The following FAM91A1 variants were observed in gnomAD, a reference collection of about 807,000 sequenced individuals.
FAM91A1 encodes the protein protein FAM91A1.
FAM91A1 carries 41 observed loss-of-function variants against 113.5 expected under a neutral mutation model. The observed-to-expected ratio is 0.36, with a 90% CI of 0.28 to 0.47. FAM91A1 has a LOEUF of 0.47. FAM91A1 is among the 20% of genes least tolerant of loss of function. The probability of loss-of-function intolerance (pLI) is 1.00; values close to 1 mark genes in which losing one functional copy is unlikely to be tolerated. For missense variants in FAM91A1, 696 were observed against 1,001.2 expected, an observed-to-expected ratio of 0.70 and a Z score of 4.11; for synonymous variants, 307 against 347.9, an observed-to-expected ratio of 0.88 and a Z score of 1.31.
intron 23 of FAM91A1, 22 bp from the exon 24 acceptor site, chr8:123,812,497 C>A: frequency 6.4e-7 from 1 of 1,550,766 alleles, no homozygotes; most frequent in Non-Finnish European, 8.7e-7. Flanking sequence ...AATATCATTT[C>A]TCTTGTTTCT....
At position 123,810,343 on chromosome 8, in the gene FAM91A1, T is replaced by A; in HGVS notation, c.2323T>A (p.Ser775Thr). 1 of 1,613,724 alleles carries A rather than the reference T, an allele frequency of 6.2e-7. No individual in the cohort carries two copies. Among genetic ancestry groups the A allele is most frequent in the South Asian group, 1.1e-5 (1 of 91,022 alleles). ...LSLQVLNFVH[S>T]FQEGASILDI... ...TCTGCAAGTCCTTAACTTTGTTCAC[T>A]CATTCCAGGTAACAAAAACCAAAAA... The change falls in exon 23 of 24, where the codon TCA becomes ACA. Residue 775 changes from serine (S) to threonine (T), a missense_variant. Ser to Thr is a moderately conservative substitution (Grantham distance 58, BLOSUM62 1). Transcript: ENST00000334705.
intron 13 of FAM91A1, 108 bp from the exon 14 acceptor site, chr8:123,787,556 C>A (rs1440508410): frequency 1.2e-5 from 13 of 1,075,554 alleles, no homozygotes; most frequent in African/African-American, 1.6e-5. Context: ...CCCTCACCCC[C>A]CAATCCTTAA....
chr8:123,812,756 G>T lies in FAM91A1; in HGVS notation c.*52G>T, dbSNP rs539804433. 4 of 1,428,154 alleles carry T rather than the reference G, an allele frequency of 2.8e-6. No individual in the cohort carries two copies. The highest frequency in any genetic ancestry group is 3.7e-6 in the Non-Finnish European group (4 of 1,077,872). The allele number at this position is 1,428,154 out of a possible 1,614,324, so 88.5% of individuals were successfully genotyped here. A position where few individuals can be genotyped will look rare whatever the true frequency, so the allele number is the denominator to read the frequency against. ...CTTTCTGCCTTTTTTCTTTCTTAAC[G>T]TTAGCTTTATAGTGTCAGCCACTAA... On this transcript the variant is annotated 3_prime_UTR_variant, in exon 24 of 24. Transcript: ENST00000334705.
At chr8:123,778,573 A>G (rs1029834798) in intron 5 of FAM91A1, 86 bp from the exon 6 acceptor site, 3 of 884,568 alleles carry the variant, frequency 3.4e-6, no homozygotes, top group African/African-American at 1.7e-5. Context: ...TATTTAGTCC[A>G]TTAGAAACAA....
chr8:123,795,137 G>A (rs1309471077), intron 15 of FAM91A1, among the ~76,000 whole-genome samples: 1 of 152,180 alleles, frequency 6.6e-6, no homozygotes, highest in African/African-American at 2.4e-5. Flanking sequence ...CTCTTAAGCT[G>A]GAGAATTTAA....
chr8:123,786,401 G>A (rs1354433816), intron 11 of FAM91A1, 94 bp from the exon 12 acceptor site: 2 of 932,428 alleles, frequency 2.1e-6, no homozygotes, highest in African/African-American at 3.3e-5. Context: ...AATTTTGATG[G>A]ATTGTTCATA....
chr8:123,774,479 G>C (rs1814931363), intron 2 of FAM91A1, among the ~76,000 whole-genome samples: 1 of 151,946 alleles, frequency 6.6e-6, no homozygotes, highest in South Asian at 2.1e-4. Flanking sequence ...TTAGTTCTTA[G>C]TAATTTTTGA....
intron 1 of FAM91A1, among the ~76,000 whole-genome samples, chr8:123,772,937 CTT>C (rs1383932150): frequency 6.6e-6 from 1 of 152,118 alleles, no homozygotes; most frequent in African/African-American, 2.4e-5. Context: ...TCATCCTTCT[CTT>C]CACATCAAGT....
chr8:123,805,376 T>G (rs773951789), intron 19 of FAM91A1, 37 bp downstream of exon 19: 88 of 1,500,966 alleles, frequency 5.9e-5, no homozygotes, highest in Non-Finnish European at 8.0e-5. Context: ...TTTTTTTTTT[T>G]TTTAATTATT....
In FAM91A1 at chr8:123,801,526, G is replaced by A. The variant is rs541556719; in HGVS notation, c.1809+1641G>A. ...TAACAATTGAATGTGCATATTTTGC[G>A]CTAATTAATATCAATATGCAAATAA... On this transcript the variant is annotated intron_variant, in intron 18 of 23. Transcript: ENST00000334705. 1.6e-3 allele frequency among the ~76,000 whole-genome samples: 249 copies of A among 152,284 alleles called. 1 individual carries two copies. The highest frequency in any genetic ancestry group is 2.8e-3 in the Non-Finnish European group (192 of 68,032).
At chr8:123,774,340 C>T (rs913735612) in intron 2 of FAM91A1, among the ~76,000 whole-genome samples, 176 bp downstream of exon 2, 1 of 152,114 alleles carries the variant, frequency 6.6e-6, no homozygotes, top group Non-Finnish European at 1.5e-5. Flanking sequence ...GTAGATTTTT[C>T]ATTCTAATTC....
intron 6 of FAM91A1, among the ~76,000 whole-genome samples, chr8:123,779,116 C>T (rs1815058244): frequency 6.6e-6 from 1 of 152,166 alleles, no homozygotes; most frequent in Non-Finnish European, 1.5e-5. Flanking sequence ...AGCTCTATTA[C>T]AAGTGCTTTT....
At position 123,779,991 on chromosome 8, in the gene FAM91A1, A is replaced by G. The variant is rs1436618180; in HGVS notation, c.556A>G (p.Thr186Ala). ...YITEDDIKICTLPEKCAVDKI... is the reference protein window; with the variant it reads ...YITEDDIKICALPEKCAVDKI... ...AATATTTTGCTTTTCTTAGATATGC[A>G]CTTTGCCTGAGAAATGCGCTGTTGA... The change falls in exon 7 of 24, where the codon ACT becomes GCT. Residue 186 changes from threonine to alanine, a missense_variant. By Grantham distance (58) the Thr-to-Ala change is moderately conservative (BLOSUM62 0). Transcript: ENST00000334705. 1 of 1,612,910 alleles carries G rather than the reference A, an allele frequency of 6.2e-7. No homozygotes were observed. The highest frequency in any genetic ancestry group is 8.5e-7 in the Non-Finnish European group (1 of 1,179,476).
chr8:123,779,525 C>T (rs1312397702), intron 6 of FAM91A1, among the ~76,000 whole-genome samples: 1 of 152,114 alleles, frequency 6.6e-6, no homozygotes, highest in Non-Finnish European at 1.5e-5. Context: ...TTAATTTTCT[C>T]CAGGGTACGT....
At position 123,800,582 on chromosome 8, in the gene FAM91A1, T is replaced by A. The variant is rs568747507; in HGVS notation, c.1809+697T>A. On this transcript the variant is annotated intron_variant, in intron 18 of 23. Transcript: ENST00000334705. Reference sequence around the variant, plus strand: ...GTGGGTTTTAGTGTGTTCACAGATATGTACAGCCATCACCACACTCAATTT... The same window carrying A: ...GTGGGTTTTAGTGTGTTCACAGATAAGTACAGCCATCACCACACTCAATTT... 2.2e-3 allele frequency among the ~76,000 whole-genome samples: 341 copies of A among 152,304 alleles called. 2 individuals are homozygous for A. Among genetic ancestry groups the A allele is most frequent in the South Asian group, 0.022 (106 of 4,824 alleles).
intron 1 of FAM91A1, 23 bp from the exon 2 acceptor site, chr8:123,774,057 A>G (rs1194763323): frequency 3.1e-6 from 5 of 1,596,268 alleles, no homozygotes; most frequent in Non-Finnish European, 4.3e-6. Flanking sequence ...AGTTGTTTAA[A>G]ATCTTTTTGA....
chr8:123,797,972 T>C, intron 15 of FAM91A1, 118 bp from the exon 16 acceptor site: 1 of 1,195,470 alleles, frequency 8.4e-7, no homozygotes. Flanking sequence ...TTAATAGAGT[T>C]ACTTTACCTT....
chr8:123,779,208 C>T (rs567742633), intron 6 of FAM91A1, among the ~76,000 whole-genome samples: 17 of 152,258 alleles, frequency 1.1e-4, no homozygotes, highest in African/African-American at 4.1e-4. Flanking sequence ...GGAAAGTGAG[C>T]ACAGAACAAT....
intron 1 of FAM91A1, among the ~76,000 whole-genome samples, chr8:123,770,400 T>C: frequency 6.6e-6 from 1 of 152,236 alleles, no homozygotes; most frequent in Admixed American, 6.5e-5. Flanking sequence ...GAAAGATAAA[T>C]TTAAAGAACT....
Sources: gnomAD v4.1 joint callset for allele counts (sites outside exome capture counted in the v4.1 genomes callset) on GRCh38, gnomAD v4.1.1 for gene constraint, MANE v1.5 for transcripts, NCBI Gene and HGNC (gene_info 2026-07-23, HGNC 2026-07-21) for gene names.